DNAJC24: variants seen among roughly 807,000 people sequenced by gnomAD.
The protein encoded by DNAJC24 is DnaJ heat shock protein family (Hsp40) member C24.
A neutral mutation model predicts 18.0 loss-of-function variants in DNAJC24; 17 were observed. The observed-to-expected ratio is 0.94, with a 90% CI of 0.65 to 1.42. The LOEUF is 1.42. Ranked by LOEUF, DNAJC24 falls within the 40% of genes most tolerant of loss-of-function variation. The probability of loss-of-function intolerance (pLI) is 0.00; values close to 1 mark genes in which losing one functional copy is unlikely to be tolerated. For missense variants in DNAJC24, 158 were observed against 175.6 expected (o/e 0.90, Z 0.57); for synonymous variants, 55 against 57.7 (o/e 0.95, Z 0.21).
chr11:31,375,916 C>T (rs1467992763), intron 2 of DNAJC24, among the ~76,000 whole-genome samples: 1 of 135,208 alleles, frequency 7.4e-6, no homozygotes, highest in African/African-American at 2.5e-5. Context: ...CAGCTAACAA[C>T]CTGGCAGCAG....
Position 31,372,456 on chromosome 11 carries a change from G to A in DNAJC24, c.111+1597G>A, listed in dbSNP as rs1433646688. Among the ~76,000 whole-genome samples the A allele has an allele frequency of 1.5e-5, 2 of 134,942 alleles. 1 individual carries two copies. The highest frequency in any genetic ancestry group is 3.4e-5 in the Non-Finnish European group (2 of 58,444). The allele number at this position is 134,942 out of a possible 152,430, so 88.5% of individuals were successfully genotyped here. ...CCTTAAGGTACCTTTTGCCCCAGAA[G>A]TTTTAAAGTTTCTGTCAGCAGAATC... On this transcript the variant is annotated intron_variant, in intron 2 of 4. Coordinates refer to ENST00000465995, the MANE Select transcript of DNAJC24 (RefSeq NM_181706.5).
chr11:31,387,923 A>T (rs1178678564), intron 2 of DNAJC24, among the ~76,000 whole-genome samples: 1 of 152,188 alleles, frequency 6.6e-6, no homozygotes, highest in African/African-American at 2.4e-5. Flanking sequence ...AAATAATTAA[A>T]ATGAATCAAG....
chr11:31,414,959 T>C lies in DNAJC24; in HGVS notation c.250+10T>C. ...GACCTGCAGCGGTGTGGTAGGTGCT[T>C]GTGTTGAGGAGCCACAGCACATCGG... On this transcript the variant is annotated intron_variant, in intron 3 of 4. Transcript: ENST00000465995. 1 of 1,611,754 alleles carries C rather than the reference T, an allele frequency of 6.2e-7. No individual in the cohort carries two copies. The highest frequency in any genetic ancestry group is 8.5e-7 in the Non-Finnish European group (1 of 1,179,288).
intron 2 of DNAJC24, among the ~76,000 whole-genome samples, chr11:31,404,753 G>A (rs1191493723): frequency 6.6e-6 from 1 of 152,148 alleles, no homozygotes; most frequent in Non-Finnish European, 1.5e-5. Flanking sequence ...CAGTGTTTAT[G>A]TGTATGCTGC....
chr11:31,372,043 G>A lies in DNAJC24; in HGVS notation c.111+1184G>A, dbSNP rs183178330. Among the ~76,000 whole-genome samples the A allele has an allele frequency of 2.8e-3, 420 of 151,470 alleles. 4 individuals carry two copies. The highest frequency in any genetic ancestry group is 9.6e-3 in the African/African-American group (396 of 41,346). On this transcript the variant is annotated intron_variant, in intron 2 of 4. Coordinates refer to ENST00000465995, the MANE Select transcript of DNAJC24 (RefSeq NM_181706.5). The stretch of plus-strand genomic sequence containing the variant: ...TCATCATATTGGTCAGGCTGGTCTC[G>A]AACACCTGACCTCAAGTGATCCTCC...
chr11:31,417,001 A>C (rs1356418379), intron 3 of DNAJC24: 1 of 152,130 alleles, frequency 6.6e-6, no homozygotes, highest in East Asian at 1.9e-4. Flanking sequence ...GACAAAGTAA[A>C]TACTGTGAGA....
Position 31,430,381 on chromosome 11 carries a change from G to T in DNAJC24, c.430G>T (p.Glu144Ter), listed in dbSNP as rs1366897406. The part of the protein sequence containing the change: ...ISCDTCSLII[E>*]LLHYN ...TTGTGATACATGTTCACTAATTATA[G>T]AACTCCTTCATTATAACTAAAATTG... Residue 144 changes from glutamate to a stop codon, truncating the protein, a stop_gained, in exon 5 of 5, where the codon GAA becomes TAA. Transcript: ENST00000465995. LOFTEE classifies it high-confidence loss of function. The T allele has an allele frequency of 1.9e-6, 3 of 1,603,516 alleles. No individual in the cohort carries two copies. The African/African-American group carries it at 4.0e-5, about 21-fold the overall frequency.
intron 2 of DNAJC24, among the ~76,000 whole-genome samples, chr11:31,395,726 C>T (rs1952537888): frequency 6.6e-6 from 1 of 152,104 alleles, no homozygotes. Flanking sequence ...GTGCTAGGTG[C>T]TATGGATTTA....
chr11:31,397,756 A>G (rs1341568772), intron 2 of DNAJC24, among the ~76,000 whole-genome samples: 1 of 152,158 alleles, frequency 6.6e-6, no homozygotes, highest in Admixed American at 6.5e-5. Flanking sequence ...CTTCAAAATA[A>G]CAGTGATTTG....
chr11:31,429,579 C>T, intron 4 of DNAJC24: 1 of 351,788 alleles, frequency 2.8e-6, no homozygotes. Context: ...AAATGACACA[C>T]TTAAAATTTC....
chr11:31,410,076 T>TGGTC, intron 2 of DNAJC24, among the ~76,000 whole-genome samples: 1 of 151,728 alleles, frequency 6.6e-6, no homozygotes, highest in Non-Finnish European at 1.5e-5. Flanking sequence ...TAAAACTGGG[T>TGGTC]TTCACCATGG....
intron 2 of DNAJC24, among the ~76,000 whole-genome samples, chr11:31,378,369 A>G (rs944444209): frequency 2.6e-5 from 4 of 151,746 alleles, no homozygotes; most frequent in African/African-American, 9.7e-5. Context: ...GGGAGACTCT[A>G]TCATAAACAA....
At chr11:31,418,789 G>A (rs1952776286) in intron 3 of DNAJC24, among the ~76,000 whole-genome samples, 1 of 152,006 alleles carries the variant, frequency 6.6e-6, no homozygotes, top group Non-Finnish European at 1.5e-5. Context: ...ACTCTGCTTA[G>A]GTAGATACAA....
intron 4 of DNAJC24, chr11:31,427,577 T>G (rs1313230251): frequency 6.6e-6 from 1 of 152,106 alleles, no homozygotes; most frequent in African/African-American, 2.4e-5. Context: ...TATACACACA[T>G]ATACTTTTTA....
intron 3 of DNAJC24, chr11:31,422,017 C>T (rs977785415): frequency 2.3e-6 from 1 of 427,210 alleles, no homozygotes; most frequent in Non-Finnish European, 4.7e-6. Context: ...TTCTTAGATC[C>T]CACTGTTGAG....
chr11:31,416,935 C>T (rs1952756041), intron 3 of DNAJC24: 1 of 152,120 alleles, frequency 6.6e-6, no homozygotes, highest in Non-Finnish European at 1.5e-5. Flanking sequence ...GCACCTGTGG[C>T]CTACTGTGTC....
chr11:31,379,706 T>C (rs1348606610), intron 2 of DNAJC24, among the ~76,000 whole-genome samples: 41 of 152,166 alleles, frequency 2.7e-4, no homozygotes, highest in Admixed American at 2.7e-3. Flanking sequence ...AGTTAGAAAA[T>C]CTGAGTATAA....
At chr11:31,397,891 C>T (rs1183358071) in intron 2 of DNAJC24, among the ~76,000 whole-genome samples, 2 of 151,666 alleles carry the variant, frequency 1.3e-5, no homozygotes, top group African/African-American at 2.4e-5. Flanking sequence ...CAACCTCTGC[C>T]TCCTGGGTTC....
intron 2 of DNAJC24, among the ~76,000 whole-genome samples, chr11:31,409,232 T>C (rs1267561344): frequency 6.6e-6 from 1 of 152,224 alleles, no homozygotes; most frequent in African/African-American, 2.4e-5. Context: ...TTTAAAAATT[T>C]AGACATGTCT....
Sources: allele counts gnomAD v4.1 joint callset (sites outside exome capture counted in the v4.1 genomes callset), GRCh38; gene constraint gnomAD v4.1.1; transcripts MANE v1.5; gene names NCBI Gene and HGNC (gene_info 2026-07-23, HGNC 2026-07-21).